STAT3: variants seen among roughly 807,000 people sequenced by gnomAD.
STAT3 encodes the protein DNA-binding protein APRF.
In STAT3, 7 loss-of-function variants were observed where a neutral mutation model predicts 114.3. The ratio of observed to expected loss-of-function variants is 0.06; its 90% CI spans 0.03 to 0.11. The LOEUF (loss-of-function observed/expected upper bound fraction) is 0.11. Among genes scored for constraint, STAT3 ranks in the 10% least tolerant of loss-of-function variants. The pLI, the probability that STAT3 is intolerant of heterozygous loss-of-function variation, is 1.00. For synonymous variants in STAT3, 331 were observed against 354.5 expected (o/e 0.93, Z 0.74); for missense variants, 364 against 960.9 (o/e 0.38, Z 8.21).
At chr17:42,388,022 G>C (rs2085207680) in intron 1 of STAT3, 2 of 396,604 alleles carry the variant, frequency 5.0e-6, no homozygotes, top group Admixed American at 9.2e-5. Context: ...GTGCGCCCTC[G>C]CCCCACGGTG....
At chr17:42,363,788 T>G (rs891671700) in intron 1 of STAT3, among the ~76,000 whole-genome samples, 1 of 151,964 alleles carries the variant, frequency 6.6e-6, no homozygotes. Context: ...TTCCTTCAAG[T>G]CAACTTATCT....
chr17:42,346,504 G>C, intron 3 of STAT3, 65 bp downstream of exon 3: 1 of 1,609,130 alleles, frequency 6.2e-7, no homozygotes, highest in South Asian at 1.1e-5. Context: ...GATGCTTCCA[G>C]GAAAGAACAC....
intron 4 of STAT3, chr17:42,345,267 G>GA (rs1156741636): frequency 0.089 from 23,146 of 259,714 alleles, no homozygotes; most frequent in South Asian, 0.15. Flanking sequence ...CTCTGTCTCA[G>GA]AAAAAAAAAA....
Position 42,331,520 on chromosome 17 carries a change from T to C in STAT3, c.1061A>G (p.Lys354Arg), listed in dbSNP as rs2082009420. 6.2e-7 allele frequency: 1 copy of C among 1,614,008 alleles called. No individual in the cohort carries two copies. The highest frequency in any genetic ancestry group is 1.3e-5 in the African/African-American group (1 of 75,062). The change falls in exon 11 of 24, where the codon AAA (lysine) becomes AGA (arginine). Residue 354 changes from lysine (K) to arginine (R), a missense_variant. By Grantham distance (26) the Lys-to-Arg change is conservative (BLOSUM62 2). Around this residue, in one of 5 missense-constraint regions of STAT3, gnomAD observed 294 missense variants for 745.1 expected, o/e 0.39. Transcript: ENST00000264657. ...QFTTKVRLLVKFPELNYQLKI... is the reference protein window; with the variant it reads ...QFTTKVRLLVRFPELNYQLKI... ...AAGCTGATAATTCAACTCAGGGAAT[T>C]TGACCAGCAACCTATTTAAAAAGAA...
intron 1 of STAT3, among the ~76,000 whole-genome samples, chr17:42,385,327 AG>A (rs1436547177): frequency 6.6e-6 from 1 of 151,906 alleles, no homozygotes; most frequent in Non-Finnish European, 1.5e-5. Flanking sequence ...TGGTCAATAT[AG>A]TGAAACCTTA....
At chr17:42,316,136 G>A (rs2081239368) in intron 23 of STAT3, 1 of 1,240,068 alleles carries the variant, frequency 8.1e-7, no homozygotes, top group African/African-American at 1.5e-5. Flanking sequence ...GATTTGGTTT[G>A]TCCAAACTGA....
chr17:42,328,049 GA>G (rs971734925), intron 14 of STAT3, among the ~76,000 whole-genome samples: 1 of 149,980 alleles, frequency 6.7e-6, no homozygotes, highest in South Asian at 2.1e-4. Context: ...AAAAAAAAAA[GA>G]AAAAAGAAAT....
At chr17:42,346,526 T>C (rs369897995) in intron 3 of STAT3, 43 bp downstream of exon 3, 373 of 1,613,762 alleles carry the variant, frequency 2.3e-4, no homozygotes, top group Admixed American at 6.5e-4. Flanking sequence ...AACACCCGAC[T>C]CTGCGGGTCC....
chr17:42,376,877 T>C (rs972202179), intron 1 of STAT3, among the ~76,000 whole-genome samples: 12 of 151,986 alleles, frequency 7.9e-5, no homozygotes, highest in Admixed American at 3.3e-4. Context: ...TATGGGTTTG[T>C]GGGGGGTACA....
rs1261681099 is a variant in STAT3, at chr17:42,324,641, T to A, written c.1600+70A>T. The stretch of plus-strand genomic sequence containing the variant: ...TAATGCTCAGTAGACATGGCCCAAA[T>A]GAACAGCCCTATGGGCCGGATCCCT... On this transcript the variant is annotated intron_variant, in intron 17 of 23. Coordinates refer to ENST00000264657, the MANE Select transcript of STAT3 (RefSeq NM_139276.3). The surrounding 1 kb of genome is among the most constrained non-coding windows in gnomAD (Gnocchi z 4.5). 3 of 1,496,016 alleles carry A rather than the reference T, an allele frequency of 2.0e-6. No homozygotes were observed. The highest frequency in any genetic ancestry group is 4.6e-5 in the Admixed American group (2 of 43,328). The allele number at this position is 1,496,016 out of a possible 1,614,324, so 92.7% of individuals were successfully genotyped here. A position where few individuals can be genotyped will look rare whatever the true frequency, so the allele number is the denominator to read the frequency against.
intron 1 of STAT3, among the ~76,000 whole-genome samples, chr17:42,352,803 T>C (rs532013332): frequency 1.3e-5 from 2 of 152,262 alleles, no homozygotes; most frequent in South Asian, 2.1e-4. Flanking sequence ...ACTCTAAACC[T>C]ACACAGTCCA....
Position 42,352,963 on chromosome 17 carries a change from A to G in STAT3, c.-23-4424T>C, listed in dbSNP as rs78751762. ...AAAGTATCTTGTTCATGTTGAAATG[A>G]TAATATTTTAGATATATTGGGTTAA... On this transcript the variant is annotated intron_variant, in intron 1 of 23. Transcript: ENST00000264657. Among the ~76,000 whole-genome samples the G allele has an allele frequency of 1.0e-3, 155 of 152,356 alleles. 1 individual carries two copies. The highest frequency in any genetic ancestry group is 3.4e-3 in the African/African-American group (142 of 41,584).
At chr17:42,317,563 G>A in intron 21 of STAT3, 1 of 419,146 alleles carries the variant, frequency 2.4e-6, no homozygotes, top group South Asian at 2.3e-5. Flanking sequence ...CCTCCACGTG[G>A]TCTGAGCATT....
At chr17:42,329,510 CG>C (rs751750536) in intron 13 of STAT3, 43 bp downstream of exon 13, 3 of 1,614,016 alleles carry the variant, frequency 1.9e-6, no homozygotes, top group African/African-American at 2.7e-5. Context: ...TAGCCCTCTC[CG>C]GCAGCCAGAG....
intron 8 of STAT3, among the ~76,000 whole-genome samples, chr17:42,335,257 G>A (rs765150637): frequency 2.0e-5 from 3 of 152,060 alleles, no homozygotes; most frequent in Non-Finnish European, 4.4e-5. Flanking sequence ...TGAGTAGCTA[G>A]AACTATAGGT....
chr17:42,344,182 GGAGGCC>G (rs910297582), intron 4 of STAT3, among the ~76,000 whole-genome samples: 1 of 152,166 alleles, frequency 6.6e-6, no homozygotes, highest in African/African-American at 2.4e-5. Flanking sequence ...CAGCACTTTG[GGAGGCC>G]GAGGCGGGCG....
At chr17:42,368,920 C>G (rs1333535115) in intron 1 of STAT3, among the ~76,000 whole-genome samples, 1 of 152,076 alleles carries the variant, frequency 6.6e-6, no homozygotes, top group Non-Finnish European at 1.5e-5. Context: ...CTCAAGTAAA[C>G]CCCAGTATCT....
intron 1 of STAT3, among the ~76,000 whole-genome samples, chr17:42,377,252 T>C (rs756010887): frequency 1.3e-5 from 2 of 152,190 alleles, no homozygotes; most frequent in Non-Finnish European, 2.9e-5. Context: ...TTTTTGTTTT[T>C]GTTTTTTGAG....
At chr17:42,320,875 C>T (rs1214130603) in intron 21 of STAT3, among the ~76,000 whole-genome samples, 1 of 151,940 alleles carries the variant, frequency 6.6e-6, no homozygotes, top group Admixed American at 6.6e-5. Flanking sequence ...GGGGAACAGA[C>T]AGGGCTACCC....
Sources: allele counts gnomAD v4.1 joint callset (sites outside exome capture counted in the v4.1 genomes callset), GRCh38; gene constraint gnomAD v4.1.1; regional missense constraint gnomAD v4.1.1; non-coding constraint Gnocchi (gnomAD v3.1); transcripts MANE v1.5; gene names NCBI Gene and HGNC (gene_info 2026-07-23, HGNC 2026-07-21).